THOC5: variants seen among roughly 807,000 people sequenced by gnomAD.
The protein encoded by THOC5 is THO complex subunit 5.
Under a neutral mutation model 92.9 loss-of-function variants are expected in THOC5, and 43 were observed. The ratio of observed to expected loss-of-function variants is 0.46; its 90% CI spans 0.36 to 0.60. The LOEUF (loss-of-function observed/expected upper bound fraction) is 0.60. THOC5 is among the 20% of genes least tolerant of loss of function. The probability of loss-of-function intolerance (pLI) is 0.00; values close to 1 mark genes in which losing one functional copy is unlikely to be tolerated. For synonymous variants in THOC5, 296 were observed against 320.1 expected (o/e 0.92, Z 0.80); for missense variants, 659 against 849.4 (o/e 0.78, Z 2.79).
chr22:29,517,111 C>T lies in THOC5; in HGVS notation c.1599G>A (p.Leu533=), dbSNP rs957690328. The T allele has an allele frequency of 1.2e-6, 2 of 1,614,024 alleles. No homozygotes were observed. The highest frequency in any genetic ancestry group is 2.7e-5 in the African/African-American group (2 of 74,918). ...VTVAHEDYME[L]HFTKDIVDAG... is the part of the protein sequence containing the mutation. The stretch of plus-strand genomic sequence containing the variant: ...CATCCACAATGTCTTTGGTGAAGTG[C>T]AGCTCCTAGAAGAGGTACCACAGAC... Residue 533 remains leucine (L), a synonymous_variant, in exon 17 of 20, where the codon CTG becomes CTA. Coordinates refer to ENST00000490103, the MANE Select transcript of THOC5 (RefSeq NM_003678.5).
chr22:29,545,441 T>C (rs2063996197), intron 2 of THOC5, among the ~76,000 whole-genome samples: 1 of 152,102 alleles, frequency 6.6e-6, no homozygotes, highest in Admixed American at 6.6e-5. Context: ...CAAAAGTCCA[T>C]AGTCCAAAAT....
intron 6 of THOC5, 148 bp from the exon 7 acceptor site, chr22:29,536,886 G>A (rs1206362357): frequency 1.6e-6 from 1 of 620,510 alleles, no homozygotes; most frequent in Admixed American, 2.7e-5. Flanking sequence ...GTACTTTGGT[G>A]AGCTCTTTAA....
intron 6 of THOC5, among the ~76,000 whole-genome samples, chr22:29,537,590 C>A (rs1250012342): frequency 6.6e-6 from 1 of 151,790 alleles, no homozygotes; most frequent in African/African-American, 2.4e-5. Flanking sequence ...ACCCCCAACT[C>A]TATTAAAAAT....
chr22:29,531,173 C>T, intron 8 of THOC5: 1 of 1,108,672 alleles, frequency 9.0e-7, no homozygotes, highest in Non-Finnish European at 1.1e-6. Context: ...GAGGAAGACA[C>T]AAGAAGAGAC....
chr22:29,553,717 G>C lies in THOC5; in HGVS notation c.-58C>G, dbSNP rs1013760935. On this transcript the variant is annotated 5_prime_UTR_variant, in exon 1 of 20. Coordinates refer to ENST00000490103, the MANE Select transcript of THOC5 (RefSeq NM_003678.5). Reference sequence around the variant, plus strand: ...CACCGGGAGTAAGCCACTGCCGGAGGCGGAGCAAAGCTTGCCCGCGCACCA... The same window carrying C: ...CACCGGGAGTAAGCCACTGCCGGAGCCGGAGCAAAGCTTGCCCGCGCACCA... 2 of 152,438 alleles carry C rather than the reference G, an allele frequency of 1.3e-5. No individual in the cohort carries two copies. Among genetic ancestry groups the C allele is most frequent in the South Asian group, 4.1e-4 (2 of 4,830 alleles). The allele number at this position is 152,438 out of a possible 1,614,324, so 9.4% of individuals were successfully genotyped here.
At chr22:29,513,789 G>T (rs2063276210) in intron 17 of THOC5, 1 of 152,166 alleles carries the variant, frequency 6.6e-6, no homozygotes, top group African/African-American at 2.4e-5. Context: ...TTTGAAGCCA[G>T]AAGTTTAAGA....
chr22:29,509,374 G>C (rs546678061), intron 19 of THOC5, among the ~76,000 whole-genome samples: 2 of 152,158 alleles, frequency 1.3e-5, no homozygotes, highest in Non-Finnish European at 2.9e-5. Context: ...TTCCCACCCT[G>C]GCAATGTGCT....
At chr22:29,522,646 CAA>C (rs1435753308) in intron 12 of THOC5, among the ~76,000 whole-genome samples, 2 of 151,758 alleles carry the variant, frequency 1.3e-5, no homozygotes, top group African/African-American at 4.8e-5. Context: ...AACACCAAAA[CAA>C]AAAAACTTCT....
At chr22:29,553,084 C>G (rs1428578647) in intron 1 of THOC5, among the ~76,000 whole-genome samples, 1 of 152,098 alleles carries the variant, frequency 6.6e-6, no homozygotes, top group Non-Finnish European at 1.5e-5. Context: ...CTCAAGTACC[C>G]AGGGACACAA....
At chr22:29,543,590 A>G in intron 3 of THOC5, 48 bp from the exon 4 acceptor site, 1 of 1,451,826 alleles carries the variant, frequency 6.9e-7, no homozygotes, top group Non-Finnish European at 9.7e-7. Flanking sequence ...GGGCTAGCTC[A>G]GCTTCCTTCA....
chr22:29,551,190 T>C (rs1398999587), intron 1 of THOC5, among the ~76,000 whole-genome samples: 1 of 152,140 alleles, frequency 6.6e-6, no homozygotes, highest in Non-Finnish European at 1.5e-5. Flanking sequence ...TCCCAGCACT[T>C]TGGGAGGCTG....
chr22:29,518,298 G>A lies in THOC5; in HGVS notation c.1489+708C>T, dbSNP rs1247324824. ...TCTGTCTGCCTTGGCCTCCCAAAGTGCTGTGATTACAGGCAAGAGCCACTG... is the reference window on the plus strand; with the variant it reads ...TCTGTCTGCCTTGGCCTCCCAAAGTACTGTGATTACAGGCAAGAGCCACTG... On this transcript the variant is annotated intron_variant, in intron 15 of 19. Transcript: ENST00000490103. 2.6e-5 allele frequency among the ~76,000 whole-genome samples: 4 copies of A among 152,276 alleles called. No homozygotes were observed. In the East Asian group the frequency reaches 7.7e-4, roughly 29 times the overall value.
chr22:29,520,626 G>A (rs1245066619), intron 13 of THOC5, among the ~76,000 whole-genome samples: 2 of 152,104 alleles, frequency 1.3e-5, no homozygotes, highest in Non-Finnish European at 2.9e-5. Context: ...CTCCCCAGTA[G>A]CTGGGACTAC....
In THOC5 at chr22:29,507,150, C is replaced by G. The variant is rs1266786596; in HGVS notation, c.*1307G>C. ...CTTTCCAAAGTACTAGGATTACAGT[C>G]ATGAGTCCCTGCACAGATTTTGTTC... On this transcript the variant is annotated 3_prime_UTR_variant, in exon 20 of 20. Coordinates refer to ENST00000490103, the MANE Select transcript of THOC5 (RefSeq NM_003678.5). 6.6e-6 allele frequency: 1 copy of G among 152,178 alleles called. No individual in the cohort carries two copies. The highest frequency in any genetic ancestry group is 1.5e-5 in the Non-Finnish European group (1 of 68,064). The allele number at this position is 152,178 out of a possible 1,614,324, so 9.4% of individuals were successfully genotyped here.
intron 6 of THOC5, 94 bp downstream of exon 6, chr22:29,539,236 T>C (rs1190021480): frequency 3.7e-6 from 5 of 1,352,620 alleles, no homozygotes; most frequent in East Asian, 4.6e-5. Flanking sequence ...TAGAAACTAT[T>C]CTGAGAGTTG....
intron 13 of THOC5, 46 bp from the exon 14 acceptor site, chr22:29,520,150 C>A: frequency 6.4e-7 from 1 of 1,559,592 alleles, no homozygotes; most frequent in Non-Finnish European, 8.8e-7. Context: ...GTCATTTCTG[C>A]TGTGGTCCCA....
At position 29,528,486 on chromosome 22, in the gene THOC5, G is replaced by T; in HGVS notation, c.926-20C>A. 6.2e-7 allele frequency: 1 copy of T among 1,612,188 alleles called. No individual in the cohort carries two copies. On this transcript the variant is annotated intron_variant, in intron 9 of 19. Coordinates refer to ENST00000490103, the MANE Select transcript of THOC5 (RefSeq NM_003678.5). ...CGTCATCTGCAGCCACAGAGAGAAG[G>T]CAGCTAGAGGTGAGGGGGCTCCAAA...
rs184947781 is a variant in THOC5 at position 29,513,078 on chromosome 22, C to T, written c.1682-942G>A. ...ATTAATTAAAAAGTTGTGGCTGGCG[C>T]GGTGGCTCACGCCTGTAATCCCAGC... is the stretch of plus-strand genomic sequence containing the variant. On this transcript the variant is annotated intron_variant, in intron 17 of 19. Transcript: ENST00000490103. Among the ~76,000 whole-genome samples the T allele has an allele frequency of 2.3e-4, 35 of 152,246 alleles. 1 individual carries two copies. The highest frequency in any genetic ancestry group is 1.9e-4 in the East Asian group (1 of 5,180).
chr22:29,516,498 C>G (rs1455264229), intron 17 of THOC5, among the ~76,000 whole-genome samples: 1 of 152,166 alleles, frequency 6.6e-6, no homozygotes, highest in African/African-American at 2.4e-5. Flanking sequence ...GGGACAACAG[C>G]ACAACGGCCC....
Sources: gnomAD v4.1 joint callset for allele counts (sites outside exome capture counted in the v4.1 genomes callset) on GRCh38, gnomAD v4.1.1 for gene constraint, MANE v1.5 for transcripts, NCBI Gene and HGNC (gene_info 2026-07-23, HGNC 2026-07-21) for gene names.